HAO1: variants seen among roughly 807,000 people sequenced by gnomAD.
HAO1 encodes 2-Hydroxyacid oxidase 1.
In HAO1, 34 loss-of-function variants were observed where a neutral mutation model predicts 39.7. The ratio of observed to expected loss-of-function variants is 0.86; its 90% CI spans 0.65 to 1.14. The LOEUF is 1.14. Among genes scored for constraint, HAO1 ranks in the 50% most tolerant of loss-of-function variants. The pLI is 0.00. For missense variants in HAO1, 479 were observed against 464.5 expected (o/e 1.03, Z -0.29); for synonymous variants, 172 against 173.2 (o/e 0.99, Z 0.05).
intron 2 of HAO1, among the ~76,000 whole-genome samples, chr20:7,916,945 T>A (rs1449472010): frequency 6.6e-6 from 1 of 152,134 alleles, no homozygotes; most frequent in Non-Finnish European, 1.5e-5. Context: ...GATTTGGAAA[T>A]GTGGAAAATA....
chr20:7,927,554 A>T (rs11907636), intron 2 of HAO1, among the ~76,000 whole-genome samples: 4,469 of 151,282 alleles, frequency 0.03, 183 homozygotes, highest in African/African-American at 0.094. Flanking sequence ...ACTGCCCTCC[A>T]TTCAGTATTT....
At chr20:7,913,163 G>GTT (rs1315695112) in intron 3 of HAO1, among the ~76,000 whole-genome samples, 13 of 116,602 alleles carry the variant, frequency 1.1e-4, no homozygotes, top group Admixed American at 1.8e-4. Context: ...GCTAGCCCTA[G>GTT]TTTTTTGTTT....
chr20:7,909,606 A>G (rs1165544177), intron 3 of HAO1, among the ~76,000 whole-genome samples: 1 of 151,444 alleles, frequency 6.6e-6, no homozygotes, highest in African/African-American at 2.4e-5. Context: ...TTAATATAGA[A>G]GTTGTTTTAG....
In HAO1 at chr20:7,914,254, T is replaced by C; in HGVS notation, c.455A>G (p.Tyr152Cys). The change falls in exon 3 of 8, where the codon TAC (tyrosine) becomes TGC (cysteine). Residue 152 changes from tyrosine to cysteine, a missense_variant. Coordinates refer to ENST00000378789, the MANE Select transcript of HAO1 (RefSeq NM_017545.3). ...GTCCACTGTCACAAATATGGCCTTG[T>C]AGCCCATCTTCTCTGCCTGCCGCAC... The part of the protein sequence containing the change: ...KLVRQAEKMG[Y>C]KAIFVTVDTP... 1 of 1,614,006 alleles carries C rather than the reference T, an allele frequency of 6.2e-7. No individual in the cohort carries two copies. The highest frequency in any genetic ancestry group is 8.5e-7 in the Non-Finnish European group (1 of 1,179,906).
At chr20:7,923,920 C>T (rs545750212) in intron 2 of HAO1, among the ~76,000 whole-genome samples, 1 of 152,078 alleles carries the variant, frequency 6.6e-6, no homozygotes, top group Non-Finnish European at 1.5e-5. Flanking sequence ...AAAGTTGGGG[C>T]TCATTGAAAA....
rs1223675694 is a variant in HAO1 at position 7,885,799 on chromosome 20, A to G, written c.879T>C (p.Gly293=). Residue 293 remains glycine (G), a synonymous_variant, in exon 6 of 8, where the codon GGT becomes GGC. Transcript: ENST00000378789. The stretch of plus-strand genomic sequence containing the variant: ...TCAGAACATCAGTGCCTTTCCGCAC[A>G]CCCCCGTCCAGGAAGACTTCCACCT... ...EGKVEVFLDG[G]VRKGTDVLKA... 4 of 1,613,282 alleles carry G rather than the reference A, an allele frequency of 2.5e-6. No homozygotes were observed. Among genetic ancestry groups the G allele is most frequent in the African/African-American group, 1.3e-5 (1 of 74,868 alleles).
At chr20:7,937,303 G>GT (rs2050417444) in intron 1 of HAO1, among the ~76,000 whole-genome samples, 1 of 152,048 alleles carries the variant, frequency 6.6e-6, no homozygotes, top group South Asian at 2.1e-4. Context: ...TTCATGTTTT[G>GT]TAAGTTGTGT....
chr20:7,900,103 T>G (rs986127443), intron 4 of HAO1, among the ~76,000 whole-genome samples: 1 of 152,166 alleles, frequency 6.6e-6, no homozygotes, highest in Admixed American at 6.5e-5. Flanking sequence ...CCCGGACACA[T>G]GACAGCAATT....
chr20:7,901,196 G>T (rs1432367851), intron 4 of HAO1, among the ~76,000 whole-genome samples: 63 of 152,286 alleles, frequency 4.1e-4, no homozygotes, highest in Non-Finnish European at 1.6e-4. Flanking sequence ...GCAGCTGAGG[G>T]CTGATGGAAA....
chr20:7,914,719 G>C (rs2050298354), intron 2 of HAO1, among the ~76,000 whole-genome samples: 1 of 152,136 alleles, frequency 6.6e-6, no homozygotes, highest in Non-Finnish European at 1.5e-5. Context: ...AATAGTCAAA[G>C]GTGTCTGTAA....
chr20:7,908,636 G>T (rs1033149640), intron 3 of HAO1, among the ~76,000 whole-genome samples: 13 of 152,128 alleles, frequency 8.5e-5, no homozygotes. Flanking sequence ...GGATTGAATA[G>T]TTAGTCCTAT....
At position 7,918,972 on chromosome 20, in the gene HAO1, T is replaced by C. The variant is rs187309792; in HGVS notation, c.290-4553A>G. ...CATTGCATTTTGCAAAGGACAGGGG[T>C]TGGATTTCATTCTTGCTCCCAATGT... On this transcript the variant is annotated intron_variant, in intron 2 of 7. Transcript: ENST00000378789. Among the ~76,000 whole-genome samples, 9 of 152,318 alleles carry C rather than the reference T, an allele frequency of 5.9e-5. No individual in the cohort carries two copies. The East Asian group carries it at 1.7e-3, about 29-fold the overall frequency.
chr20:7,902,966 T>A (rs1403387262), intron 4 of HAO1, among the ~76,000 whole-genome samples: 1 of 152,224 alleles, frequency 6.6e-6, no homozygotes, highest in Non-Finnish European at 1.5e-5. Flanking sequence ...CAGTTGCTCA[T>A]GATTTCATGT....
At chr20:7,932,521 G>A (rs147189532) in intron 2 of HAO1, among the ~76,000 whole-genome samples, 129 of 152,250 alleles carry the variant, frequency 8.5e-4, no homozygotes, top group Non-Finnish European at 9.4e-4. Context: ...AATCAGAAGA[G>A]TATAAAGTCA....
chr20:7,884,518 A>G (rs557729547), intron 7 of HAO1, among the ~76,000 whole-genome samples: 2 of 152,212 alleles, frequency 1.3e-5, no homozygotes, highest in Non-Finnish European at 1.5e-5. Flanking sequence ...TTAAGAAAGT[A>G]CAATTTATGT....
chr20:7,892,027 C>G (rs2050176425), intron 5 of HAO1, among the ~76,000 whole-genome samples: 1 of 152,100 alleles, frequency 6.6e-6, no homozygotes, highest in Non-Finnish European at 1.5e-5. Flanking sequence ...TCTCTGGGAG[C>G]AAAACTGAGT....
intron 4 of HAO1, among the ~76,000 whole-genome samples, chr20:7,896,425 A>C (rs927520658): frequency 6.6e-6 from 1 of 152,186 alleles, no homozygotes; most frequent in Non-Finnish European, 1.5e-5. Flanking sequence ...GGCAGACTTG[A>C]CTAAGAATAA....
chr20:7,910,052 T>C (rs2050270703), intron 3 of HAO1, among the ~76,000 whole-genome samples: 1 of 152,234 alleles, frequency 6.6e-6, no homozygotes, highest in African/African-American at 2.4e-5. Context: ...TGGGAAAATC[T>C]TGTATGTTCT....
At chr20:7,913,902 G>T (rs923566084) in intron 3 of HAO1, among the ~76,000 whole-genome samples, 3 of 152,184 alleles carry the variant, frequency 2.0e-5, no homozygotes, top group African/African-American at 7.2e-5. Flanking sequence ...GCAAAATTCA[G>T]TATCTTCCAT....
Sources: allele counts gnomAD v4.1 joint callset (sites outside exome capture counted in the v4.1 genomes callset), GRCh38; gene constraint gnomAD v4.1.1; transcripts MANE v1.5; gene names NCBI Gene and HGNC (gene_info 2026-07-23, HGNC 2026-07-21).